DLC1: variants seen among roughly 807,000 people sequenced by gnomAD.
The protein encoded by DLC1 is rho GTPase-activating protein 7.
A neutral mutation model predicts 140.3 loss-of-function variants in DLC1; 54 were observed. The observed-to-expected ratio is 0.38, with a 90% CI of 0.31 to 0.48. The LOEUF is 0.48. Ranked by LOEUF, DLC1 falls within the 20% of genes least tolerant of loss-of-function variation. The probability of loss-of-function intolerance (pLI) is 0.96; values close to 1 mark genes in which losing one functional copy is unlikely to be tolerated. For synonymous variants in DLC1, 986 were observed against 728.1 expected (o/e 1.35, Z -5.70); for missense variants, 2,536 against 1,907.0 (o/e 1.33, Z -6.14).
chr8:13,161,039 C>T (rs1310513705), intron 5 of DLC1, among the ~76,000 whole-genome samples: 1 of 152,218 alleles, frequency 6.6e-6, no homozygotes, highest in Non-Finnish European at 1.5e-5. Flanking sequence ...CGAGATCGCG[C>T]CACTGCTCTC....
At chr8:13,462,396 CTTT>C (rs869264457) in intron 2 of DLC1, among the ~76,000 whole-genome samples, 5 of 131,088 alleles carry the variant, frequency 3.8e-5, no homozygotes, top group Admixed American at 7.8e-5. Context: ...CATTACTATT[CTTT>C]TTTTTTTTTT....
At position 13,218,538 on chromosome 8, in the gene DLC1, C is replaced by A. The variant is rs553906500; in HGVS notation, c.1348+86731G>T. On this transcript the variant is annotated intron_variant, in intron 5 of 17. Coordinates refer to ENST00000276297, the MANE Select transcript of DLC1 (RefSeq NM_182643.3). ...ATGAAAAGATGCTCAGGGTTACTAG[C>A]CATTAGGGAATTGCAAATCAAAACT... Among the ~76,000 whole-genome samples the A allele has an allele frequency of 1.6e-3, 243 of 151,862 alleles. 1 individual carries two copies. Among genetic ancestry groups the A allele is most frequent in the African/African-American group, 5.6e-3 (233 of 41,416 alleles).
At chr8:13,131,148 C>G (rs116140006) in intron 5 of DLC1, among the ~76,000 whole-genome samples, 1 of 152,168 alleles carries the variant, frequency 6.6e-6, no homozygotes, top group Non-Finnish European at 1.5e-5. Flanking sequence ...CATCTGCTGC[C>G]GTCTGCAAGC....
chr8:13,367,929 A>G (rs1835563050), intron 4 of DLC1, among the ~76,000 whole-genome samples: 1 of 152,220 alleles, frequency 6.6e-6, no homozygotes, highest in African/African-American at 2.4e-5. Flanking sequence ...ACAGAAATAA[A>G]CATAGACTCT....
At chr8:13,329,187 G>A (rs1033441507) in intron 4 of DLC1, among the ~76,000 whole-genome samples, 4 of 152,188 alleles carry the variant, frequency 2.6e-5, no homozygotes, top group Non-Finnish European at 1.5e-5. Context: ...GACCAAATGA[G>A]TAAATACCTT....
At chr8:13,354,446 A>T (rs571901987) in intron 4 of DLC1, among the ~76,000 whole-genome samples, 1 of 152,194 alleles carries the variant, frequency 6.6e-6, no homozygotes, top group Admixed American at 6.5e-5. Context: ...TGCTGAGAGG[A>T]TTTATGTAGA....
intron 5 of DLC1, among the ~76,000 whole-genome samples, chr8:13,257,876 G>A (rs71522334): frequency 1.9e-3 from 292 of 152,300 alleles, no homozygotes; most frequent in Non-Finnish European, 3.0e-3. Context: ...TCAGGAGCAA[G>A]CTTTGTATGC....
intron 5 of DLC1, among the ~76,000 whole-genome samples, chr8:13,227,226 C>T (rs1044963217): frequency 4.6e-5 from 7 of 152,142 alleles, no homozygotes; most frequent in Non-Finnish European, 1.0e-4. Context: ...TGCCTTCTTC[C>T]AAGTGTAGTC....
At chr8:13,473,757 G>A (rs908044128) in intron 2 of DLC1, among the ~76,000 whole-genome samples, 1 of 152,116 alleles carries the variant, frequency 6.6e-6, no homozygotes, top group South Asian at 2.1e-4. Flanking sequence ...CAAAGAGACT[G>A]GTAGCATTTT....
At chr8:13,209,129 T>C (rs1371831364) in intron 5 of DLC1, among the ~76,000 whole-genome samples, 1 of 152,172 alleles carries the variant, frequency 6.6e-6, no homozygotes, top group East Asian at 1.9e-4. Context: ...ATCTTTGGAC[T>C]GGGGAACTGC....
At chr8:13,182,642 G>A (rs551909669) in intron 5 of DLC1, among the ~76,000 whole-genome samples, 2 of 152,202 alleles carry the variant, frequency 1.3e-5, no homozygotes, top group African/African-American at 4.8e-5. Flanking sequence ...GATGTGTGGT[G>A]TTATTTCTGA....
At chr8:13,509,346 A>G (rs1020078588) in intron 1 of DLC1, among the ~76,000 whole-genome samples, 2 of 152,238 alleles carry the variant, frequency 1.3e-5, no homozygotes, top group Admixed American at 1.3e-4. Context: ...CACTGAAATC[A>G]GGAACAAGAT....
chr8:13,393,407 G>C lies in DLC1; in HGVS notation c.1314+146C>G, dbSNP rs537147916. On this transcript the variant is annotated intron_variant, in intron 4 of 17. Transcript: ENST00000276297. Reference sequence around the variant, plus strand: ...AAACAAAAAACATTTTTCTAGGGTTGTACTTAATTAAATAAATTAAATATC... The same window carrying C: ...AAACAAAAAACATTTTTCTAGGGTTCTACTTAATTAAATAAATTAAATATC... The C allele has an allele frequency of 2.0e-4, 177 of 894,952 alleles. 1 individual carries two copies. The highest frequency in any genetic ancestry group is 2.6e-4 in the Non-Finnish European group (163 of 627,756). 55.4% of individuals were successfully genotyped at this position (894,952 alleles called of 1,614,324 possible). A position where few individuals can be genotyped will look rare whatever the true frequency, so the allele number is the denominator to read the frequency against.
intron 1 of DLC1, among the ~76,000 whole-genome samples, chr8:13,522,796 A>G (rs1352402189): frequency 6.6e-6 from 1 of 152,176 alleles, no homozygotes; most frequent in Non-Finnish European, 1.5e-5. Flanking sequence ...ATTAAATAAG[A>G]AACACCAGAG....
intron 16 of DLC1, among the ~76,000 whole-genome samples, 194 bp from the exon 17 acceptor site, chr8:13,086,657 G>A (rs1002608505): frequency 6.6e-6 from 1 of 152,218 alleles, no homozygotes; most frequent in African/African-American, 2.4e-5. Flanking sequence ...AAAAGCATGT[G>A]ATGGAAAGTG....
intron 1 of DLC1, among the ~76,000 whole-genome samples, chr8:13,544,480 T>C (rs1183334621): frequency 6.6e-6 from 1 of 152,114 alleles, no homozygotes; most frequent in Non-Finnish European, 1.5e-5. Context: ...AAATGAACTT[T>C]AGTGAGAGGT....
intron 14 of DLC1, among the ~76,000 whole-genome samples, 189 bp downstream of exon 14, chr8:13,091,129 A>C (rs1239275308): frequency 6.6e-6 from 1 of 152,070 alleles, no homozygotes; most frequent in Non-Finnish European, 1.5e-5. Flanking sequence ...TAAAGGGACA[A>C]TTTCATTAAA....
At chr8:13,431,482 C>CAA (rs56057254) in intron 2 of DLC1, among the ~76,000 whole-genome samples, 2,410 of 40,566 alleles carry the variant, frequency 0.059, 565 homozygotes, top group Non-Finnish European at 0.066. Flanking sequence ...GACTCCGTCT[C>CAA]AAAAAAAAAA....
At chr8:13,461,325 C>T (rs896776707) in intron 2 of DLC1, among the ~76,000 whole-genome samples, 5 of 152,222 alleles carry the variant, frequency 3.3e-5, no homozygotes, top group Admixed American at 2.0e-4. Flanking sequence ...CATTTCTTTA[C>T]ATGAAAATTT....
Sources: allele counts gnomAD v4.1 joint callset (sites outside exome capture counted in the v4.1 genomes callset), GRCh38; gene constraint gnomAD v4.1.1; transcripts MANE v1.5; gene names NCBI Gene and HGNC (gene_info 2026-07-23, HGNC 2026-07-21).